The following PPP1R1C variants were observed in gnomAD, a reference collection of about 807,000 sequenced individuals.
PPP1R1C encodes the protein protein phosphatase 1 regulatory inhibitor subunit 1C.
In PPP1R1C, 15 loss-of-function variants were observed where a neutral mutation model predicts 17.4. The observed-to-expected ratio is 0.86, with a 90% CI of 0.58 to 1.33. PPP1R1C has a LOEUF of 1.33. Among genes scored for constraint, PPP1R1C ranks in the 40% most tolerant of loss-of-function variants. PPP1R1C has a pLI of 0.00. For missense variants in PPP1R1C, 143 were observed against 130.0 expected, an observed-to-expected ratio of 1.10 and a Z score of -0.48; for synonymous variants, 35 against 43.1, an observed-to-expected ratio of 0.81 and a Z score of 0.73.
upstream of PPP1R1C, among the ~76,000 whole-genome samples, chr2:181,984,207 T>C (rs935219702): frequency 6.6e-6 from 1 of 152,196 alleles, no homozygotes; most frequent in Non-Finnish European, 1.5e-5. Flanking sequence ...TGAGCTCTTT[T>C]CAGGAATTGA....
chr2:182,016,280 T>C (rs1686260188), intron 2 of PPP1R1C, among the ~76,000 whole-genome samples: 1 of 152,244 alleles, frequency 6.6e-6, no homozygotes, highest in Admixed American at 6.5e-5. Context: ...TTCAGGACTG[T>C]CTTTTCTACC....
upstream of PPP1R1C, among the ~76,000 whole-genome samples, chr2:181,985,431 C>T (rs1257264834): frequency 6.6e-6 from 1 of 152,220 alleles, no homozygotes; most frequent in Non-Finnish European, 1.5e-5. The surrounding 1 kb of genome is among the most constrained non-coding windows in gnomAD (Gnocchi z 4.1). Flanking sequence ...GCCCTCACTA[C>T]ACCACAGATG....
intron 4 of PPP1R1C, among the ~76,000 whole-genome samples, chr2:182,082,353 C>G (rs548739310): frequency 6.6e-6 from 1 of 152,256 alleles, no homozygotes; most frequent in South Asian, 2.1e-4. Flanking sequence ...AAATATCTCA[C>G]CTGGTTTTCA....
chr2:181,975,629 G>A (rs990369343), intron 2 of PPP1R1C, among the ~76,000 whole-genome samples: 1 of 151,504 alleles, frequency 6.6e-6, no homozygotes, highest in Non-Finnish European at 1.5e-5. Flanking sequence ...ACACTCTCCT[G>A]GTTCTTTCTC....
chr2:181,999,160 T>C (rs139208103), intron 2 of PPP1R1C, among the ~76,000 whole-genome samples: 335 of 152,252 alleles, frequency 2.2e-3, no homozygotes, highest in African/African-American at 7.8e-3. Flanking sequence ...ATAAGCAACA[T>C]ATTCAAAATA....
chr2:181,985,200 T>C (rs1685267084), upstream of PPP1R1C, among the ~76,000 whole-genome samples: 2 of 152,230 alleles, frequency 1.3e-5, no homozygotes, highest in Admixed American at 6.5e-5. The surrounding 1 kb of genome is among the most constrained non-coding windows in gnomAD (Gnocchi z 4.1). Context: ...GTTTGCTAAA[T>C]TTAGCAGCAC....
intron 2 of PPP1R1C, among the ~76,000 whole-genome samples, chr2:182,015,897 G>A (rs1323756980): frequency 2.6e-5 from 4 of 152,154 alleles, no homozygotes; most frequent in Non-Finnish European, 5.9e-5. Context: ...GATGACTCAA[G>A]CACTCCTTTG....
At chr2:182,002,585 C>T (rs1201973590) in intron 2 of PPP1R1C, among the ~76,000 whole-genome samples, 1 of 151,480 alleles carries the variant, frequency 6.6e-6, no homozygotes. Context: ...TATTTGAATC[C>T]CAGCTCTTTA....
intron 4 of PPP1R1C, among the ~76,000 whole-genome samples, chr2:182,086,898 C>T (rs781412940): frequency 6.6e-6 from 1 of 151,592 alleles, no homozygotes; most frequent in African/African-American, 2.4e-5. Flanking sequence ...CTTCTGTCCC[C>T]TACCAGTATC....
At chr2:182,116,802 T>C (rs1689596547) in intron 4 of PPP1R1C, among the ~76,000 whole-genome samples, 2 of 152,172 alleles carry the variant, frequency 1.3e-5, no homozygotes, top group South Asian at 2.1e-4. Context: ...GTTACAGAAA[T>C]GGCACGCACA....
intron 2 of PPP1R1C, among the ~76,000 whole-genome samples, chr2:182,040,589 C>T (rs1421818630): frequency 1.3e-5 from 2 of 152,162 alleles, no homozygotes; most frequent in African/African-American, 2.4e-5. Context: ...CAAATATTTT[C>T]TCCCATTTCA....
intron 4 of PPP1R1C, among the ~76,000 whole-genome samples, chr2:182,098,306 A>G (rs552762828): frequency 6.6e-6 from 1 of 152,320 alleles, no homozygotes; most frequent in African/African-American, 2.4e-5. Flanking sequence ...GCAGAAACTC[A>G]TTTTAATTTG....
intron 4 of PPP1R1C, among the ~76,000 whole-genome samples, chr2:182,113,217 A>C (rs1173042318): frequency 1.3e-5 from 2 of 152,146 alleles, no homozygotes; most frequent in Non-Finnish European, 2.9e-5. Context: ...TTCCTTTTTT[A>C]TATTGAGTTA....
chr2:181,982,664 G>GGGAGC (rs111783040), upstream of PPP1R1C, among the ~76,000 whole-genome samples: 49 of 152,270 alleles, frequency 3.2e-4, 2 homozygotes, highest in African/African-American at 6.5e-4. Context: ...GGTTAAAAAA[G>GGGAGC]GGAGCGGGGA....
At chr2:182,110,286 AATAATAC>A (rs1395746612) in intron 4 of PPP1R1C, among the ~76,000 whole-genome samples, 6 of 140,884 alleles carry the variant, frequency 4.3e-5, no homozygotes, top group Non-Finnish European at 9.2e-5. Context: ...TATTAAAATA[AATAATAC>A]ATTGTTATAT....
rs1033710671 is a variant in PPP1R1C at position 182,030,307 on chromosome 2, C to A, written c.143-31135C>A. Among the ~76,000 whole-genome samples the A allele has an allele frequency of 5.3e-5, 8 of 152,254 alleles. 1 individual carries two copies. Among genetic ancestry groups the A allele is most frequent in the African/African-American group, 1.4e-4 (6 of 41,542 alleles). On this transcript the variant is annotated intron_variant, in intron 2 of 4. Coordinates refer to ENST00000682840, the MANE Select transcript of PPP1R1C (RefSeq NM_001080545.3). ...AGGCACTCTGTGTTTTAGAGTTTCC[C>A]GTTTTTCTGTTCTGTTTTTTCCCCA...
chr2:182,005,304 G>A (rs1193152435), intron 2 of PPP1R1C, among the ~76,000 whole-genome samples: 1 of 152,206 alleles, frequency 6.6e-6, no homozygotes, highest in Non-Finnish European at 1.5e-5. Flanking sequence ...CTGCTGAGCA[G>A]TCACTGACAT....
At chr2:182,046,493 C>T (rs868644692) in intron 2 of PPP1R1C, among the ~76,000 whole-genome samples, 15 of 150,816 alleles carry the variant, frequency 9.9e-5, no homozygotes, top group Non-Finnish European at 2.1e-4. Flanking sequence ...TTTGGGAGGC[C>T]GAGGCAGGCA....
chr2:182,090,162 A>C (rs1396208743), intron 4 of PPP1R1C, among the ~76,000 whole-genome samples: 1 of 152,112 alleles, frequency 6.6e-6, no homozygotes, highest in Non-Finnish European at 1.5e-5. Flanking sequence ...CTATCCTACA[A>C]AAATACTCTG....
Sources: gnomAD v4.1 joint callset for allele counts (sites outside exome capture counted in the v4.1 genomes callset) on GRCh38, gnomAD v4.1.1 for gene constraint, Gnocchi (gnomAD v3.1) non-coding constraint, MANE v1.5 for transcripts, NCBI Gene and HGNC (gene_info 2026-07-23, HGNC 2026-07-21) for gene names.